The following KCNQ5 variants were observed in gnomAD, a reference collection of about 807,000 sequenced individuals.
The protein encoded by KCNQ5 is potassium voltage-gated channel subfamily KQT member 5.
Under a neutral mutation model 98.2 loss-of-function variants are expected in KCNQ5, and 30 were observed. The ratio of observed to expected loss-of-function variants is 0.31; its 90% CI spans 0.23 to 0.41. KCNQ5 has a LOEUF of 0.41. KCNQ5 is among the 10% of genes least tolerant of loss of function. KCNQ5 has a pLI of 1.00. For synonymous variants in KCNQ5, 458 were observed against 449.4 expected (o/e 1.02, Z -0.24); for missense variants, 835 against 1,182.5 (o/e 0.71, Z 4.31).
chr6:73,078,743 A>G (rs1234106919), intron 5 of KCNQ5, among the ~76,000 whole-genome samples: 1 of 152,230 alleles, frequency 6.6e-6, no homozygotes, highest in Non-Finnish European at 1.5e-5. Flanking sequence ...TCAACAACTT[A>G]CAGAGTTGTA....
At chr6:72,794,194 AGT>A (rs1206784473) in intron 1 of KCNQ5, among the ~76,000 whole-genome samples, 1 of 152,240 alleles carries the variant, frequency 6.6e-6, no homozygotes, top group Non-Finnish European at 1.5e-5. Context: ...CACATCCGAA[AGT>A]GATAAATGAA....
rs555447476 is a variant in KCNQ5 at position 72,825,705 on chromosome 6, G to A, written c.399-178203G>A. ...GAGCAGGCTCACTTGCCTGGGGAAG[G>A]GAAGTCTCTCAGCCCATTCTTTAGC... On this transcript the variant is annotated intron_variant, in intron 1 of 13. Transcript: ENST00000370398. Among the ~76,000 whole-genome samples, 62 of 152,240 alleles carry A rather than the reference G, an allele frequency of 4.1e-4. 1 individual carries two copies. In the Middle Eastern group the frequency reaches 0.014, roughly 33 times the overall value.
At chr6:72,651,285 T>G (rs17692898) in intron 1 of KCNQ5, among the ~76,000 whole-genome samples, 19,616 of 152,092 alleles carry the variant, frequency 0.13, 1,458 homozygotes, top group Non-Finnish European at 0.18. Context: ...GAAGACTCTT[T>G]TAGTTGAACT....
intron 1 of KCNQ5, among the ~76,000 whole-genome samples, chr6:72,845,596 A>G (rs1356905207): frequency 6.6e-6 from 1 of 152,238 alleles, no homozygotes; most frequent in Non-Finnish European, 1.5e-5. Context: ...CAGAGCATAT[A>G]TGAATTTAAA....
rs887973294 is a variant in KCNQ5 at position 72,622,899 on chromosome 6, C to T, written c.398+312C>T. ...CGGATAATTGGGAGCAATTAGGTCCCAAGATACGTAAACTTCAACCGAACG... is the reference window on the plus strand; with the variant it reads ...CGGATAATTGGGAGCAATTAGGTCCTAAGATACGTAAACTTCAACCGAACG... On this transcript the variant is annotated intron_variant, in intron 1 of 13. Coordinates refer to ENST00000370398, the MANE Select transcript of KCNQ5 (RefSeq NM_019842.4). This position sits in a 1 kb window ranked among gnomAD's most constrained non-coding sequence, Gnocchi z 6.0. Among the ~76,000 whole-genome samples, 1 of 152,134 alleles carries T rather than the reference C, an allele frequency of 6.6e-6. No individual in the cohort carries two copies. Among genetic ancestry groups the T allele is most frequent in the Non-Finnish European group, 1.5e-5 (1 of 68,036 alleles).
chr6:73,191,846 A>C (rs1390270230), intron 12 of KCNQ5, among the ~76,000 whole-genome samples: 1 of 152,230 alleles, frequency 6.6e-6, no homozygotes, highest in Non-Finnish European at 1.5e-5. Context: ...TAAACTGGAA[A>C]GTTGTCTATA....
chr6:73,088,379 C>T (rs191433289), intron 5 of KCNQ5, among the ~76,000 whole-genome samples: 3 of 152,266 alleles, frequency 2.0e-5, no homozygotes, highest in Admixed American at 2.0e-4. Context: ...CTTTGTGAAA[C>T]TCTCCATTCT....
intron 10 of KCNQ5, among the ~76,000 whole-genome samples, chr6:73,169,474 A>G (rs1316398452): frequency 6.6e-6 from 1 of 152,242 alleles, no homozygotes; most frequent in Non-Finnish European, 1.5e-5. Context: ...GTGGATCAAC[A>G]CAAATCCATC....
intron 1 of KCNQ5, among the ~76,000 whole-genome samples, chr6:72,941,394 C>CTTCCTTCCTTCTTTTCTTCCTTCCTT: frequency 1.1e-5 from 1 of 87,978 alleles, no homozygotes; most frequent in Non-Finnish European, 2.9e-5. Flanking sequence ...CTTCCTTCCT[C>CTTCCTTCCTTCTTTTCTTCCTTCCTT]CTTTCCTCCT....
intron 3 of KCNQ5, among the ~76,000 whole-genome samples, chr6:73,045,944 T>C (rs1771938707): frequency 1.3e-5 from 2 of 152,140 alleles, no homozygotes; most frequent in African/African-American, 4.8e-5. Context: ...ATTTTAACAG[T>C]TTATTTTCAG....
chr6:72,715,504 A>T (rs1769602749), intron 1 of KCNQ5, among the ~76,000 whole-genome samples: 1 of 152,182 alleles, frequency 6.6e-6, no homozygotes, highest in Non-Finnish European at 1.5e-5. Flanking sequence ...TTCAGACAAG[A>T]TCACGAAGCA....
intron 2 of KCNQ5, among the ~76,000 whole-genome samples, chr6:73,031,450 A>G (rs185012699): frequency 1.5e-4 from 23 of 152,294 alleles, no homozygotes; most frequent in African/African-American, 5.3e-4. Flanking sequence ...TCTTTTTGAG[A>G]ATTTTGATTT....
At chr6:73,110,914 T>A (rs964387577) in intron 6 of KCNQ5, among the ~76,000 whole-genome samples, 3 of 152,176 alleles carry the variant, frequency 2.0e-5, no homozygotes, top group Admixed American at 2.0e-4. Context: ...AAATTCATGT[T>A]CTCTACATTC....
At chr6:73,164,884 G>A (rs1405555284) in intron 10 of KCNQ5, among the ~76,000 whole-genome samples, 1 of 152,104 alleles carries the variant, frequency 6.6e-6, no homozygotes, top group Non-Finnish European at 1.5e-5. Flanking sequence ...GACTAAGATA[G>A]AAGTACCTCT....
intron 1 of KCNQ5, among the ~76,000 whole-genome samples, chr6:72,676,408 C>G (rs773114210): frequency 6.6e-6 from 1 of 152,138 alleles, no homozygotes; most frequent in Non-Finnish European, 1.5e-5. Context: ...TTTACTGAGT[C>G]AGAATATGCT....
Position 72,622,336 on chromosome 6 carries a change from C to G in KCNQ5, c.147C>G (p.Asn49Lys). The G allele has an allele frequency of 1.4e-6, 2 of 1,423,980 alleles. No individual in the cohort carries two copies. Among genetic ancestry groups the G allele is most frequent in the Non-Finnish European group, 9.1e-7 (1 of 1,093,706 alleles). The allele number at this position is 1,423,980 out of a possible 1,614,324, so 88.2% of individuals were successfully genotyped here. ...CCGGCCGGGGCAGGGTGCTGCTGAACTCGGCAGCCGCCAGGGGCGACGGCC... is the reference window on the plus strand; with the variant it reads ...CCGGCCGGGGCAGGGTGCTGCTGAAGTCGGCAGCCGCCAGGGGCGACGGCC... ...VESGRGRVLL[N>K]SAAARGDGLL... The change falls in exon 1 of 14, where the codon AAC becomes AAG. Residue 49 changes from asparagine to lysine, a missense_variant. Physicochemically the swap from Asn to Lys is moderately conservative, Grantham distance 94. This residue lies in a region of KCNQ5 where 21 missense variants were observed against 43.9 expected (regional missense o/e 0.48). Transcript: ENST00000370398. The surrounding 1 kb of genome is among the most constrained non-coding windows in gnomAD (Gnocchi z 6.0).
At chr6:72,860,411 G>A (rs142657292) in intron 1 of KCNQ5, among the ~76,000 whole-genome samples, 1,811 of 152,144 alleles carry the variant, frequency 0.012, 40 homozygotes, top group African/African-American at 0.041. Context: ...AATTGGAGTC[G>A]TGACTTCACC....
intron 10 of KCNQ5, among the ~76,000 whole-genome samples, chr6:73,167,121 T>A (rs1311464756): frequency 1.3e-5 from 2 of 152,206 alleles, no homozygotes; most frequent in Non-Finnish European, 2.9e-5. Flanking sequence ...ATGGGCACGA[T>A]GTTTATGGGC....
At chr6:73,071,414 C>T (rs917336846) in intron 3 of KCNQ5, among the ~76,000 whole-genome samples, 8 of 152,132 alleles carry the variant, frequency 5.3e-5, no homozygotes, top group Non-Finnish European at 1.5e-5. Context: ...ATTTTAATAG[C>T]AAAACCAAAA....
Sources: gnomAD v4.1 joint callset for allele counts (sites outside exome capture counted in the v4.1 genomes callset) on GRCh38, gnomAD v4.1.1 for gene constraint, gnomAD v4.1.1 regional missense constraint, Gnocchi (gnomAD v3.1) non-coding constraint, MANE v1.5 for transcripts, NCBI Gene and HGNC (gene_info 2026-07-23, HGNC 2026-07-21) for gene names.